Variants in PDE1A observed in about 807,000 individuals in gnomAD.
PDE1A encodes the protein phosphodiesterase 1A, also known as dual specificity calcium/calmodulin-dependent 3',5'-cyclic nucleotide phosphodiesterase 1A.
A neutral mutation model predicts 61.7 loss-of-function variants in PDE1A; 35 were observed. That is an observed-to-expected ratio of 0.57 (90% CI 0.43 to 0.75). The LOEUF (loss-of-function observed/expected upper bound fraction) is 0.75. Ranked by LOEUF, PDE1A falls within the 30% of genes least tolerant of loss-of-function variation. The probability of loss-of-function intolerance (pLI) is 0.00; values close to 1 mark genes in which losing one functional copy is unlikely to be tolerated. For synonymous variants in PDE1A, 232 were observed against 213.2 expected (o/e 1.09, Z -0.77); for missense variants, 597 against 630.6 (o/e 0.95, Z 0.57).
exon 15 of PDE1A, chr2:182,141,710 T>C (rs553586207): frequency 8.1e-4 from 123 of 152,332 alleles, no homozygotes; most frequent in African/African-American, 2.8e-3. Flanking sequence ...TTTTCTAAAA[T>C]ATTGCTTAAC....
intron 1 of PDE1A, among the ~76,000 whole-genome samples, chr2:182,285,826 A>G (rs765348421): frequency 6.6e-6 from 1 of 152,128 alleles, no homozygotes; most frequent in Non-Finnish European, 1.5e-5. Flanking sequence ...ATCTTAGCTG[A>G]GTTCAGCAGA....
chr2:182,573,949 A>T, the PDE1A span, among the ~76,000 whole-genome samples: 12 of 126,056 alleles, frequency 9.5e-5, no homozygotes, highest in African/African-American at 4.0e-4. Flanking sequence ...TTTATATATT[A>T]TATATATTTA....
intron 7 of PDE1A, among the ~76,000 whole-genome samples, chr2:182,210,458 G>A (rs958547437): frequency 2.6e-5 from 4 of 152,086 alleles, no homozygotes; most frequent in Non-Finnish European, 5.9e-5. Context: ...CTTCCTAGCT[G>A]GAGTGACTGG....
the PDE1A span, among the ~76,000 whole-genome samples, chr2:182,565,720 TA>T: frequency 2.0e-5 from 3 of 152,190 alleles, no homozygotes; most frequent in African/African-American, 7.2e-5. Context: ...TGCTATTTAT[TA>T]GAGTCAAGAT....
chr2:182,674,868 T>C, the PDE1A span, among the ~76,000 whole-genome samples: 1 of 152,168 alleles, frequency 6.6e-6, no homozygotes, highest in Admixed American at 6.6e-5. Flanking sequence ...ATTCAAGCAA[T>C]GTTAATCAGT....
intron 13 of PDE1A, among the ~76,000 whole-genome samples, chr2:182,174,064 C>T (rs577283494): frequency 3.3e-5 from 5 of 152,102 alleles, no homozygotes; most frequent in South Asian, 2.1e-4. Flanking sequence ...TACAGAGACC[C>T]GTGAGATAAA....
the PDE1A span, among the ~76,000 whole-genome samples, chr2:182,691,929 A>G: frequency 8.5e-5 from 13 of 152,242 alleles, no homozygotes; most frequent in Non-Finnish European, 1.0e-4. Flanking sequence ...AAAAATGCTC[A>G]TCATCACTGG....
chr2:182,339,056 T>A (rs2125021802), intron 1 of PDE1A, among the ~76,000 whole-genome samples: 1 of 152,326 alleles, frequency 6.6e-6, no homozygotes, highest in Non-Finnish European at 1.5e-5. Flanking sequence ...TGAAGATGTT[T>A]TTTTTCTATA....
the PDE1A span, among the ~76,000 whole-genome samples, chr2:182,573,994 CAT>C: frequency 7.0e-6 from 1 of 143,140 alleles, no homozygotes; most frequent in African/African-American, 2.6e-5. Flanking sequence ...CACACACAAA[CAT>C]ATATATATAC....
chr2:182,479,611 C>T (rs887325211), intron 2 of PDE1A, among the ~76,000 whole-genome samples: 5 of 150,894 alleles, frequency 3.3e-5, no homozygotes, highest in East Asian at 3.9e-4. Context: ...GATAAAAATG[C>T]GTTAATGTGC....
intron 13 of PDE1A, among the ~76,000 whole-genome samples, chr2:182,169,791 T>G (rs1691967078): frequency 2.0e-5 from 3 of 151,912 alleles, no homozygotes; most frequent in African/African-American, 7.2e-5. Flanking sequence ...GAAAACATTT[T>G]ATCATCACCA....
At chr2:182,355,242 T>A (rs1046633655) in intron 1 of PDE1A, among the ~76,000 whole-genome samples, 1 of 151,998 alleles carries the variant, frequency 6.6e-6, no homozygotes, top group Non-Finnish European at 1.5e-5. Context: ...TGGCCACTCT[T>A]ACCATTAAGA....
At chr2:182,453,180 T>C (rs1013189480) in intron 2 of PDE1A, among the ~76,000 whole-genome samples, 1 of 152,148 alleles carries the variant, frequency 6.6e-6, no homozygotes, top group Non-Finnish European at 1.5e-5. Flanking sequence ...ATTGTCCACC[T>C]CAGCAAAGCA....
the PDE1A span, among the ~76,000 whole-genome samples, chr2:182,587,595 T>C: frequency 5.3e-5 from 8 of 152,344 alleles, no homozygotes; most frequent in South Asian, 8.3e-4. Context: ...GAATTAGTTC[T>C]TTCAGAATAT....
At chr2:182,316,964 T>C (rs1025003137) in intron 1 of PDE1A, among the ~76,000 whole-genome samples, 1 of 152,174 alleles carries the variant, frequency 6.6e-6, no homozygotes, top group Non-Finnish European at 1.5e-5. Context: ...GACAATCGTA[T>C]TTTCATTGTT....
chr2:182,388,805 C>G (rs1458557579), intron 1 of PDE1A, among the ~76,000 whole-genome samples: 2 of 151,046 alleles, frequency 1.3e-5, no homozygotes, highest in Non-Finnish European at 3.0e-5. Context: ...TAATATAGAT[C>G]AGAACAAAAA....
intron 2 of PDE1A, among the ~76,000 whole-genome samples, chr2:182,474,463 A>C (rs1400502706): frequency 6.6e-6 from 1 of 151,916 alleles, no homozygotes; most frequent in Non-Finnish European, 1.5e-5. Flanking sequence ...ATGCACCAAA[A>C]TTGAACATGG....
chr2:182,259,025 A>G (rs1435376595), intron 2 of PDE1A, among the ~76,000 whole-genome samples: 1 of 152,174 alleles, frequency 6.6e-6, no homozygotes, highest in East Asian at 1.9e-4. Context: ...CATTTCAGGT[A>G]CTCAACAGGT....
At chr2:182,277,999 A>T (rs1249631197) in intron 1 of PDE1A, among the ~76,000 whole-genome samples, 1 of 152,060 alleles carries the variant, frequency 6.6e-6, no homozygotes, top group Non-Finnish European at 1.5e-5. Context: ...CAATCAATTC[A>T]CAGTACCAGA....
Sources: allele counts gnomAD v4.1 joint callset (sites outside exome capture counted in the v4.1 genomes callset), GRCh38; gene constraint gnomAD v4.1.1; transcripts MANE v1.5; gene names NCBI Gene and HGNC (gene_info 2026-07-23, HGNC 2026-07-21).